LSAMP: variants seen among roughly 807,000 people sequenced by gnomAD.
LSAMP encodes the protein limbic system-associated membrane protein.
In LSAMP, 7 loss-of-function variants were observed where a neutral mutation model predicts 38.6. The observed-to-expected ratio is 0.18, with a 90% CI of 0.10 to 0.34. LSAMP has a LOEUF of 0.34. Among genes scored for constraint, LSAMP ranks in the 10% least tolerant of loss-of-function variants. The pLI is 1.00. For synonymous variants in LSAMP, 154 were observed against 166.8 expected, an observed-to-expected ratio of 0.92 and a Z score of 0.59; for missense variants, 313 against 420.0, an observed-to-expected ratio of 0.75 and a Z score of 2.23.
At position 116,167,764 on chromosome 3, in the gene LSAMP, A is replaced by G. The variant is rs1005665832; in HGVS notation, c.156-81208T>C. On this transcript the variant is annotated intron_variant, in intron 1 of 6. Coordinates refer to ENST00000490035, the MANE Select transcript of LSAMP (RefSeq NM_002338.5). Reference sequence around the variant, plus strand: ...ACACCTCTCAGCCCACACCCCTTATATACAACATACTATGTATAATAATGT... The same window carrying G: ...ACACCTCTCAGCCCACACCCCTTATGTACAACATACTATGTATAATAATGT... Among the ~76,000 whole-genome samples, 6 of 152,340 alleles carry G rather than the reference A, an allele frequency of 3.9e-5. No homozygotes were observed. In the East Asian group the frequency reaches 9.6e-4, roughly 24 times the overall value.
At chr3:116,187,109 A>G (rs972489104) in intron 1 of LSAMP, among the ~76,000 whole-genome samples, 1 of 152,142 alleles carries the variant, frequency 6.6e-6, no homozygotes, top group Non-Finnish European at 1.5e-5. Context: ...CAACCCCTTT[A>G]TCCTTCAGCT....
chr3:115,950,312 TATAATC>T (rs762608948), intron 3 of LSAMP, among the ~76,000 whole-genome samples: 1 of 152,080 alleles, frequency 6.6e-6, no homozygotes, highest in South Asian at 2.1e-4. Flanking sequence ...TCACTGATGA[TATAATC>T]ATATACCTAG....
chr3:116,110,963 T>G (rs1427160904), intron 1 of LSAMP, among the ~76,000 whole-genome samples: 1 of 150,888 alleles, frequency 6.6e-6, no homozygotes, highest in Non-Finnish European at 1.5e-5. Context: ...AAAATTACAG[T>G]CAAAAGGGGT....
intron 2 of LSAMP, among the ~76,000 whole-genome samples, chr3:116,042,797 T>G (rs1414571642): frequency 1.3e-5 from 2 of 152,236 alleles, no homozygotes; most frequent in Non-Finnish European, 2.9e-5. Flanking sequence ...TGCATGTATG[T>G]GTCTCTGCCA....
At chr3:116,167,121 A>G (rs1325624680) in intron 1 of LSAMP, among the ~76,000 whole-genome samples, 1 of 151,946 alleles carries the variant, frequency 6.6e-6, no homozygotes, top group Admixed American at 6.6e-5. Flanking sequence ...AAATTTTAAT[A>G]GTTTTTTGGG....
chr3:116,441,365 G>A lies in LSAMP; in HGVS notation c.155+3512C>T, dbSNP rs191546558. Among the ~76,000 whole-genome samples, 576 of 152,182 alleles carry A rather than the reference G, an allele frequency of 3.8e-3. 4 individuals are homozygous for A. Among genetic ancestry groups the A allele is most frequent in the African/African-American group, 0.013 (539 of 41,526 alleles). ...TATCCAGATACGCATGTGTATGTAC[G>A]TTTTACAAAGTTGCCTTATGAATAG... is the stretch of plus-strand genomic sequence containing the variant. On this transcript the variant is annotated intron_variant, in intron 1 of 6. Transcript: ENST00000490035.
intron 6 of LSAMP, among the ~76,000 whole-genome samples, chr3:115,820,010 G>T (rs1273793398): frequency 2.0e-5 from 3 of 148,490 alleles, no homozygotes; most frequent in Non-Finnish European, 4.5e-5. Context: ...GCAATAGTGG[G>T]AGAAATAAAC....
intron 1 of LSAMP, among the ~76,000 whole-genome samples, chr3:116,161,384 A>T (rs530096084): frequency 3.7e-4 from 56 of 152,350 alleles, no homozygotes; most frequent in African/African-American, 1.2e-3. Flanking sequence ...AATAGCGAGT[A>T]ATATTATAGT....
chr3:115,812,519 C>G (rs915621084), intron 6 of LSAMP, among the ~76,000 whole-genome samples: 6 of 152,156 alleles, frequency 3.9e-5, no homozygotes, highest in African/African-American at 1.4e-4. Flanking sequence ...CCTTCAAGCT[C>G]TCTTAGTGGC....
intron 1 of LSAMP, among the ~76,000 whole-genome samples, chr3:116,156,927 G>C (rs1709763753): frequency 6.6e-6 from 1 of 152,108 alleles, no homozygotes; most frequent in Non-Finnish European, 1.5e-5. Context: ...GGGACCTGTG[G>C]ATAGATGCTT....
chr3:115,956,848 T>A (rs945773532), intron 3 of LSAMP, among the ~76,000 whole-genome samples: 3 of 152,206 alleles, frequency 2.0e-5, no homozygotes, highest in African/African-American at 7.2e-5. Flanking sequence ...AAGGGTTTCT[T>A]GGATTTAGGA....
chr3:116,380,384 A>T (rs571137352), intron 1 of LSAMP, among the ~76,000 whole-genome samples: 37 of 152,024 alleles, frequency 2.4e-4, no homozygotes, highest in Non-Finnish European at 8.8e-5. Flanking sequence ...TCTATTTAAG[A>T]TCAGTGATAT....
At chr3:116,216,863 C>A (rs1432782472) in intron 1 of LSAMP, among the ~76,000 whole-genome samples, 1 of 152,126 alleles carries the variant, frequency 6.6e-6, no homozygotes, top group Non-Finnish European at 1.5e-5. Context: ...GGAAATAGAT[C>A]GTGTTCAGAT....
chr3:116,311,398 T>G (rs2047555581), intron 1 of LSAMP, among the ~76,000 whole-genome samples: 1 of 152,202 alleles, frequency 6.6e-6, no homozygotes, highest in African/African-American at 2.4e-5. Flanking sequence ...TTGGTTGCAG[T>G]CTAGGAATCC....
chr3:116,444,651 T>G (rs1463982917), intron 1 of LSAMP, among the ~76,000 whole-genome samples: 1 of 151,620 alleles, frequency 6.6e-6, no homozygotes, highest in Non-Finnish European at 1.5e-5. Flanking sequence ...CACTGCTGCT[T>G]GACAGGGACC....
At chr3:115,860,770 T>C (rs1213995988) in intron 3 of LSAMP, among the ~76,000 whole-genome samples, 7 of 152,116 alleles carry the variant, frequency 4.6e-5, no homozygotes, top group African/African-American at 1.7e-4. Flanking sequence ...AGAGAAGATT[T>C]CTGGGAGAAA....
At chr3:116,335,980 T>G (rs551394968) in intron 1 of LSAMP, among the ~76,000 whole-genome samples, 40 of 152,186 alleles carry the variant, frequency 2.6e-4, no homozygotes, top group African/African-American at 9.6e-4. Context: ...TCAAATAATT[T>G]TTGACAAGGC....
At chr3:116,108,779 C>G (rs1049316821) in intron 1 of LSAMP, among the ~76,000 whole-genome samples, 15 of 152,190 alleles carry the variant, frequency 9.9e-5, no homozygotes, top group Admixed American at 1.3e-4. Context: ...GCACTTGTAG[C>G]AAGCTCCTGG....
intron 3 of LSAMP, among the ~76,000 whole-genome samples, chr3:115,922,825 T>C (rs1937413502): frequency 6.6e-6 from 1 of 152,124 alleles, no homozygotes; most frequent in Non-Finnish European, 1.5e-5. Flanking sequence ...TATGCTGGTT[T>C]CTTTTGCAGG....
Sources: allele counts gnomAD v4.1 joint callset (sites outside exome capture counted in the v4.1 genomes callset), GRCh38; gene constraint gnomAD v4.1.1; transcripts MANE v1.5; gene names NCBI Gene and HGNC (gene_info 2026-07-23, HGNC 2026-07-21).